CRB1: variants seen among roughly 807,000 people sequenced by gnomAD.
CRB1 encodes the protein protein crumbs homolog 1.
Under a neutral mutation model 120.0 loss-of-function variants are expected in CRB1, and 83 were observed. The ratio of observed to expected loss-of-function variants is 0.69; its 90% CI spans 0.58 to 0.83. The LOEUF is 0.83. Among genes scored for constraint, CRB1 ranks in the 40% least tolerant of loss-of-function variants. The pLI, the probability that CRB1 is intolerant of heterozygous loss-of-function variation, is 0.00. For missense variants in CRB1, 1,699 were observed against 1,687.6 expected (o/e 1.01, Z -0.12); for synonymous variants, 625 against 612.5 (o/e 1.02, Z -0.30).
At chr1:197,301,919 TCTA>T (rs1656886338) in intron 1 of CRB1, among the ~76,000 whole-genome samples, 1 of 152,018 alleles carries the variant, frequency 6.6e-6, no homozygotes. Flanking sequence ...TGAAATGAAA[TCTA>T]CTCCTGGTGA....
Position 197,382,144 on chromosome 1 carries a change from C to G in CRB1, c.1171+25131C>G, listed in dbSNP as rs1478376308. Among the ~76,000 whole-genome samples the G allele has an allele frequency of 3.3e-5, 5 of 152,238 alleles. No homozygotes were observed. In the East Asian group the frequency reaches 7.7e-4, roughly 23 times the overall value. ...CCAATTATTAATATTATCTGTGGCC[C>G]TATATTTCTTCATCTACAAAATATA... On this transcript the variant is annotated intron_variant, in intron 5 of 11. Transcript: ENST00000367400.
intron 1 of CRB1, among the ~76,000 whole-genome samples, chr1:197,303,268 G>A (rs1289308912): frequency 2.9e-5 from 4 of 136,168 alleles, no homozygotes; most frequent in Non-Finnish European, 6.3e-5. Flanking sequence ...ATCTCCTAAT[G>A]CTATCCCTCC....
intron 2 of CRB1, among the ~76,000 whole-genome samples, chr1:197,342,814 T>C (rs1168108688): frequency 6.6e-6 from 1 of 152,228 alleles, no homozygotes; most frequent in African/African-American, 2.4e-5. Flanking sequence ...TAGCATTTAC[T>C]GTATCCAACC....
intron 1 of CRB1, among the ~76,000 whole-genome samples, chr1:197,288,128 GAC>G (rs1655942184): frequency 1.3e-5 from 2 of 151,828 alleles, no homozygotes; most frequent in South Asian, 4.1e-4. Context: ...GCTGCACAGA[GAC>G]AGACCAGAGA....
At chr1:197,449,741 G>C (rs1408185609) in intron 11 of CRB1, among the ~76,000 whole-genome samples, 1 of 152,168 alleles carries the variant, frequency 6.6e-6, no homozygotes, top group Non-Finnish European at 1.5e-5. Flanking sequence ...AGTGCCCTCT[G>C]TGGTGTGTCA....
the CRB1 span, chr1:197,222,573 C>G: frequency 7.8e-6 from 6 of 768,850 alleles, no homozygotes; most frequent in South Asian, 5.4e-5. Flanking sequence ...TGACGAAACT[C>G]CTGTTGTTTT....
chr1:197,354,115 C>G (rs184912608), intron 4 of CRB1, among the ~76,000 whole-genome samples: 5 of 151,966 alleles, frequency 3.3e-5, no homozygotes, highest in Admixed American at 3.3e-4. Context: ...TTTTATCCAA[C>G]CAGCTGGTAA....
chr1:197,209,589 A>G, the CRB1 span, among the ~76,000 whole-genome samples: 1 of 151,940 alleles, frequency 6.6e-6, no homozygotes, highest in Non-Finnish European at 1.5e-5. Context: ...CTCAGGTTGT[A>G]TGCCTGCCTC....
At chr1:197,310,909 A>T (rs544030665) in intron 1 of CRB1, among the ~76,000 whole-genome samples, 46 of 152,300 alleles carry the variant, frequency 3.0e-4, no homozygotes, top group African/African-American at 1.1e-3. Context: ...CAGGGTAGAG[A>T]AATATATTCT....
intron 5 of CRB1, among the ~76,000 whole-genome samples, chr1:197,364,517 A>G (rs1452973644): frequency 1.3e-5 from 2 of 152,258 alleles, no homozygotes; most frequent in East Asian, 3.9e-4. Flanking sequence ...CTCTAATCAT[A>G]CAAATATTGG....
the CRB1 span, chr1:197,223,134 T>G: frequency 1.1e-6 from 1 of 881,766 alleles, no homozygotes; most frequent in South Asian, 1.3e-5. Flanking sequence ...AACATGATAC[T>G]TTGGATAATG....
chr1:197,207,989 T>C, the CRB1 span, among the ~76,000 whole-genome samples: 1 of 152,172 alleles, frequency 6.6e-6, no homozygotes, highest in Non-Finnish European at 1.5e-5. Flanking sequence ...AATTTCTTTC[T>C]TCTACCTGTT....
At chr1:197,203,281 A>G in the CRB1 span, among the ~76,000 whole-genome samples, 1 of 152,170 alleles carries the variant, frequency 6.6e-6, no homozygotes, top group Non-Finnish European at 1.5e-5. Context: ...ACTTCCACGG[A>G]ATTTGAGAAT....
At chr1:197,212,609 G>C in the CRB1 span, among the ~76,000 whole-genome samples, 2 of 152,072 alleles carry the variant, frequency 1.3e-5, no homozygotes, top group Admixed American at 1.3e-4. Flanking sequence ...GGGGAACAAG[G>C]GTAGGGGAAG....
At chr1:197,235,101 A>G in the CRB1 span, among the ~76,000 whole-genome samples, 3 of 152,326 alleles carry the variant, frequency 2.0e-5, no homozygotes, top group African/African-American at 7.2e-5. Flanking sequence ...ATATGGCACT[A>G]TGTCCCAAGT....
chr1:197,389,709 C>A (rs917607504), intron 5 of CRB1, among the ~76,000 whole-genome samples: 1 of 138,506 alleles, frequency 7.2e-6, no homozygotes, highest in South Asian at 2.4e-4. Context: ...TATTTTACCA[C>A]AATAAAAAAA....
At chr1:197,219,902 C>T in the CRB1 span, among the ~76,000 whole-genome samples, 1 of 152,200 alleles carries the variant, frequency 6.6e-6, no homozygotes, top group Non-Finnish European at 1.5e-5. Context: ...CACTGTCTTA[C>T]ATATTTTCAT....
chr1:197,216,859 C>A, the CRB1 span, among the ~76,000 whole-genome samples: 1 of 152,072 alleles, frequency 6.6e-6, no homozygotes, highest in Admixed American at 6.6e-5. Context: ...CAGAGAAAGA[C>A]CAACTGAGGA....
At chr1:197,333,646 C>T (rs112334360) in intron 2 of CRB1, among the ~76,000 whole-genome samples, 79 of 152,242 alleles carry the variant, frequency 5.2e-4, no homozygotes, top group Admixed American at 2.6e-3. Flanking sequence ...TAAGAAAATG[C>T]ACTATATTCA....
Sources: gnomAD v4.1 joint callset for allele counts (sites outside exome capture counted in the v4.1 genomes callset) on GRCh38, gnomAD v4.1.1 for gene constraint, MANE v1.5 for transcripts, NCBI Gene and HGNC (gene_info 2026-07-23, HGNC 2026-07-21) for gene names.